Variants in PPP3CC observed in about 807,000 individuals in gnomAD.
PPP3CC encodes protein phosphatase 3 catalytic subunit gamma.
Under a neutral mutation model 60.3 loss-of-function variants are expected in PPP3CC, and 35 were observed. The ratio of observed to expected loss-of-function variants is 0.58; its 90% CI spans 0.44 to 0.77. PPP3CC has a LOEUF of 0.77. Among genes scored for constraint, PPP3CC ranks in the 30% least tolerant of loss-of-function variants. The pLI, the probability that PPP3CC is intolerant of heterozygous loss-of-function variation, is 0.00. For missense variants in PPP3CC, 570 were observed against 628.9 expected, an observed-to-expected ratio of 0.91 and a Z score of 1.00; for synonymous variants, 206 against 224.3, an observed-to-expected ratio of 0.92 and a Z score of 0.73.
At chr8:22,443,025 G>A (rs1836719112) in intron 1 of PPP3CC, among the ~76,000 whole-genome samples, 1 of 152,184 alleles carries the variant, frequency 6.6e-6, no homozygotes. Flanking sequence ...AGATAAGCCA[G>A]AACTGTGGGT....
intron 3 of PPP3CC, among the ~76,000 whole-genome samples, chr8:22,489,744 A>ATATATTATATATAAGTATATATTT (rs1838342001): frequency 7.1e-6 from 1 of 141,674 alleles, no homozygotes; most frequent in African/African-American, 2.6e-5. Flanking sequence ...TATAATAAGT[A>ATATATTATATATAAGTATATATTT]TATATTATAT....
intron 4 of PPP3CC, among the ~76,000 whole-genome samples, chr8:22,506,133 C>T (rs1184544667): frequency 1.3e-5 from 2 of 152,062 alleles, no homozygotes; most frequent in Admixed American, 6.5e-5. Flanking sequence ...ATTTCATCTC[C>T]TGCTTTTAAA....
At chr8:22,499,393 T>C (rs1838695264) in intron 4 of PPP3CC, among the ~76,000 whole-genome samples, 1 of 147,832 alleles carries the variant, frequency 6.8e-6, no homozygotes, top group South Asian at 2.1e-4. Context: ...GAGCCGAGAT[T>C]GCGCCACTGC....
chr8:22,492,170 T>A (rs907508828), intron 3 of PPP3CC, among the ~76,000 whole-genome samples: 1 of 152,124 alleles, frequency 6.6e-6, no homozygotes, highest in East Asian at 1.9e-4. Context: ...TTGTGCTGAA[T>A]ACTGTAGGCA....
chr8:22,472,808 T>C (rs1052047335), intron 1 of PPP3CC, among the ~76,000 whole-genome samples: 11 of 152,314 alleles, frequency 7.2e-5, no homozygotes, highest in African/African-American at 2.4e-4. Context: ...GGGGTTCTTT[T>C]TCTTTCTCCA....
At chr8:22,464,493 C>T (rs1276442639) in intron 1 of PPP3CC, among the ~76,000 whole-genome samples, 3 of 152,134 alleles carry the variant, frequency 2.0e-5, no homozygotes, top group Non-Finnish European at 4.4e-5. Context: ...GATTTTCCTG[C>T]CTCAGCCTCC....
At chr8:22,505,106 A>C (rs1379000221) in intron 4 of PPP3CC, among the ~76,000 whole-genome samples, 2 of 146,062 alleles carry the variant, frequency 1.4e-5, no homozygotes, top group Non-Finnish European at 3.0e-5. Context: ...GGCTCACTGC[A>C]ACCTCCGCCT....
At chr8:22,485,603 G>T (rs1838201383) in intron 3 of PPP3CC, among the ~76,000 whole-genome samples, 1 of 152,172 alleles carries the variant, frequency 6.6e-6, no homozygotes, top group African/African-American at 2.4e-5. Context: ...TGGCTACCTT[G>T]TACTATAGTT....
In PPP3CC at chr8:22,524,608, G is replaced by A. The variant is rs371661737; in HGVS notation, c.943+1859G>A. 7.2e-5 allele frequency among the ~76,000 whole-genome samples: 11 copies of A among 152,106 alleles called. No homozygotes were observed. In the East Asian group the frequency reaches 1.7e-3, roughly 24 times the overall value. ...ATCAATGGTGTGGACTGTTTGTGTT[G>A]TTAAACGTCTTCAAGGACTCTTGTG... On this transcript the variant is annotated intron_variant, in intron 8 of 13. Transcript: ENST00000240139.
At chr8:22,517,660 A>G (rs564667237) in intron 6 of PPP3CC, among the ~76,000 whole-genome samples, 27 of 152,184 alleles carry the variant, frequency 1.8e-4, no homozygotes, top group African/African-American at 6.3e-4. Context: ...ATTATTCGTA[A>G]TAGTCCGTTA....
chr8:22,459,374 A>G (rs545226862), intron 1 of PPP3CC, among the ~76,000 whole-genome samples: 1 of 152,304 alleles, frequency 6.6e-6, no homozygotes, highest in East Asian at 1.9e-4. Context: ...GAAGTCCTGA[A>G]GTTTTTGAAT....
intron 3 of PPP3CC, among the ~76,000 whole-genome samples, chr8:22,494,941 A>G (rs768921922): frequency 1.3e-5 from 2 of 151,978 alleles, no homozygotes; most frequent in Non-Finnish European, 2.9e-5. Context: ...CTACTCTTGT[A>G]CTTTTTATTT....
At chr8:22,444,346 T>C (rs1836763540) in intron 1 of PPP3CC, among the ~76,000 whole-genome samples, 2 of 151,972 alleles carry the variant, frequency 1.3e-5, no homozygotes, top group Admixed American at 1.3e-4. Context: ...ACATAAAGCA[T>C]GTGAAAAGGT....
intron 3 of PPP3CC, among the ~76,000 whole-genome samples, chr8:22,481,221 G>C (rs958252571): frequency 2.6e-5 from 4 of 152,034 alleles, no homozygotes; most frequent in Admixed American, 2.6e-4. Context: ...TGTAATTCCA[G>C]CTACTTGGGA....
intron 1 of PPP3CC, among the ~76,000 whole-genome samples, chr8:22,473,156 T>A (rs1467435056): frequency 2.0e-5 from 3 of 152,188 alleles, no homozygotes; most frequent in Non-Finnish European, 2.9e-5. Flanking sequence ...TTAAGTCTTT[T>A]AAAAATACTC....
chr8:22,515,913 C>CTTTATTTTATTTTATTTTAT lies in PPP3CC; in HGVS notation c.770+2505_770+2524dup, dbSNP rs71206525. Among the ~76,000 whole-genome samples the CTTTATTTTATTTTATTTTAT allele has an allele frequency of 6.2e-4, 90 of 144,664 alleles. 2 individuals are homozygous for CTTTATTTTATTTTATTTTAT. Among genetic ancestry groups the CTTTATTTTATTTTATTTTAT allele is most frequent in the African/African-American group, 2.2e-3 (85 of 38,144 alleles). 94.9% of individuals were successfully genotyped at this position (144,664 alleles called of 152,430 possible). On this transcript the variant is annotated intron_variant, in intron 6 of 13. Coordinates refer to ENST00000240139, the MANE Select transcript of PPP3CC (RefSeq NM_005605.5). ...AAAAAGTCTTTTTTTCTTTCTTCTT[C>CTTTATTTTATTTTATTTTAT]TTTATTTTATTTTATTTTATTTTAT...
chr8:22,520,528 T>C (rs972071605), intron 6 of PPP3CC, among the ~76,000 whole-genome samples: 2 of 152,206 alleles, frequency 1.3e-5, no homozygotes, highest in Non-Finnish European at 2.9e-5. Context: ...GTCCCTCTAA[T>C]GCTATCATTT....
At chr8:22,532,419 T>G in intron 11 of PPP3CC, 113 bp downstream of exon 11, 1 of 821,412 alleles carries the variant, frequency 1.2e-6, no homozygotes, top group Non-Finnish European at 2.0e-6. Flanking sequence ...CTGCAGGTCT[T>G]TAGGTTGAGT....
intron 3 of PPP3CC, among the ~76,000 whole-genome samples, chr8:22,489,729 A>ATATATTATATATAAGTATATATTATATAT (rs1563731832): frequency 4.4e-4 from 32 of 73,408 alleles, no homozygotes; most frequent in Middle Eastern, 6.9e-3. Flanking sequence ...ATTATATATT[A>ATATATTATATATAAGTATATATTATATAT]TATATATAAT....
Sources: allele counts gnomAD v4.1 joint callset (sites outside exome capture counted in the v4.1 genomes callset), GRCh38; gene constraint gnomAD v4.1.1; transcripts MANE v1.5; gene names NCBI Gene and HGNC (gene_info 2026-07-23, HGNC 2026-07-21).